ST8SIA2: variants seen among roughly 807,000 people sequenced by gnomAD.
ST8SIA2 encodes alpha-2,8-sialyltransferase 8B.
In ST8SIA2, 22 loss-of-function variants were observed where a neutral mutation model predicts 37.6. The ratio of observed to expected loss-of-function variants is 0.58; its 90% CI spans 0.42 to 0.83. ST8SIA2 has a LOEUF of 0.83. Among genes scored for constraint, ST8SIA2 ranks in the 40% least tolerant of loss-of-function variants. The probability of loss-of-function intolerance (pLI) is 0.00; values close to 1 mark genes in which losing one functional copy is unlikely to be tolerated. For missense variants in ST8SIA2, 382 were observed against 484.7 expected, an observed-to-expected ratio of 0.79 and a Z score of 1.99; for synonymous variants, 205 against 201.2, an observed-to-expected ratio of 1.02 and a Z score of -0.16.
chr15:92,413,876 C>CGGT (rs1216064298), intron 1 of ST8SIA2, among the ~76,000 whole-genome samples: 1 of 152,140 alleles, frequency 6.6e-6, no homozygotes, highest in Admixed American at 6.5e-5. Context: ...AGGCAGCCCC[C>CGGT]GGTGTGATGC....
chr15:92,424,020 A>G (rs897317718), intron 1 of ST8SIA2, among the ~76,000 whole-genome samples: 3 of 152,202 alleles, frequency 2.0e-5, no homozygotes, highest in Non-Finnish European at 2.9e-5. Context: ...TGGGCTGTCA[A>G]CAGGCATAAA....
At chr15:92,411,722 C>T (rs1423795775) in intron 1 of ST8SIA2, among the ~76,000 whole-genome samples, 1 of 152,108 alleles carries the variant, frequency 6.6e-6, no homozygotes, top group Non-Finnish European at 1.5e-5. Context: ...CCACAGTCAC[C>T]TCAATGGTGG....
intron 5 of ST8SIA2, among the ~76,000 whole-genome samples, chr15:92,448,035 C>T (rs1467241829): frequency 6.6e-6 from 1 of 152,160 alleles, no homozygotes; most frequent in African/African-American, 2.4e-5. Flanking sequence ...AATGGGCAAC[C>T]ACCTGGAAGA....
At chr15:92,458,837 G>A (rs1053148948) in intron 5 of ST8SIA2, among the ~76,000 whole-genome samples, 2 of 152,214 alleles carry the variant, frequency 1.3e-5, no homozygotes, top group Non-Finnish European at 2.9e-5. Context: ...TTTTCAGCCT[G>A]GGCTGCTAAG....
intron 3 of ST8SIA2, among the ~76,000 whole-genome samples, chr15:92,437,953 G>GC (rs2049770822): frequency 6.6e-6 from 1 of 152,328 alleles, no homozygotes. Context: ...GTCTGGGTGT[G>GC]CCCCAGACTG....
chr15:92,442,394 C>T (rs1288814137), intron 4 of ST8SIA2, among the ~76,000 whole-genome samples: 3 of 152,102 alleles, frequency 2.0e-5, no homozygotes, highest in Non-Finnish European at 4.4e-5. Flanking sequence ...GACTGGCCAA[C>T]ATTGCAGTTG....
intron 1 of ST8SIA2, among the ~76,000 whole-genome samples, chr15:92,419,475 C>A (rs985214046): frequency 6.6e-6 from 1 of 152,160 alleles, no homozygotes; most frequent in Non-Finnish European, 1.5e-5. Context: ...TACACCCTCC[C>A]ACAGCAACGC....
At chr15:92,450,946 G>A (rs2049877502) in intron 5 of ST8SIA2, among the ~76,000 whole-genome samples, 1 of 152,182 alleles carries the variant, frequency 6.6e-6, no homozygotes. Context: ...TTCACTTTTA[G>A]GGCAGTGACC....
chr15:92,415,707 A>G (rs1457716265), intron 1 of ST8SIA2, among the ~76,000 whole-genome samples: 1 of 152,180 alleles, frequency 6.6e-6, no homozygotes, highest in Non-Finnish European at 1.5e-5. Context: ...TGAGTTTTAA[A>G]CAGTAGCCTC....
At chr15:92,430,192 C>T (rs2049705368) in intron 2 of ST8SIA2, 81 bp downstream of exon 2, 1 of 1,362,192 alleles carries the variant, frequency 7.3e-7, no homozygotes, top group Non-Finnish European at 1.0e-6. Context: ...CTGGATGGTG[C>T]CCTTCTTACT....
At chr15:92,416,355 G>C (rs1031207173) in intron 1 of ST8SIA2, among the ~76,000 whole-genome samples, 1 of 151,920 alleles carries the variant, frequency 6.6e-6, no homozygotes, top group Non-Finnish European at 1.5e-5. Flanking sequence ...GTGGAGGTGG[G>C]TGGGAGGTGT....
At chr15:92,462,175 C>A (rs1030389414) in intron 5 of ST8SIA2, among the ~76,000 whole-genome samples, 1 of 152,192 alleles carries the variant, frequency 6.6e-6, no homozygotes, top group Non-Finnish European at 1.5e-5. Context: ...GGACCACAGC[C>A]TTCATCAGCA....
At chr15:92,436,337 T>C (rs567726215) in intron 3 of ST8SIA2, among the ~76,000 whole-genome samples, 1 of 151,980 alleles carries the variant, frequency 6.6e-6, no homozygotes, top group South Asian at 2.1e-4. Context: ...GATAGAGAAA[T>C]AGCTCCCCCA....
intron 5 of ST8SIA2, among the ~76,000 whole-genome samples, chr15:92,456,167 C>T (rs533986486): frequency 3.9e-5 from 6 of 152,366 alleles, no homozygotes; most frequent in South Asian, 2.1e-4. Context: ...CCACTCCTGG[C>T]GGGGCCCGCC....
chr15:92,434,166 G>C, intron 2 of ST8SIA2, 81 bp from the exon 3 acceptor site: 1 of 1,598,120 alleles, frequency 6.3e-7, no homozygotes, highest in Non-Finnish European at 8.5e-7. Context: ...ATTCAAGCCC[G>C]TGCAAAAACA....
chr15:92,410,473 C>A (rs2049540652), intron 1 of ST8SIA2, among the ~76,000 whole-genome samples: 1 of 152,210 alleles, frequency 6.6e-6, no homozygotes, highest in Non-Finnish European at 1.5e-5. Flanking sequence ...CACTGCTGCA[C>A]CCTTCAGTCC....
In ST8SIA2 at chr15:92,464,340, G is replaced by T; in HGVS notation, c.1083G>T (p.Gln361His). ...AGGCCCTCAAGAGCCTACATGAGCA[G>T]GGGGCTTTGAAACTGACTGTCGGCC... ...EFKALKSLHEQGALKLTVGQC... is the reference protein window; with the variant it reads ...EFKALKSLHEHGALKLTVGQC... Residue 361 changes from glutamine to histidine, a missense_variant, in exon 6 of 6, where the codon CAG (glutamine) becomes CAT (histidine). Gln to His is a conservative substitution (Grantham distance 24). Coordinates refer to ENST00000268164, the MANE Select transcript of ST8SIA2 (RefSeq NM_006011.4). The T allele has an allele frequency of 6.2e-7, 1 of 1,614,064 alleles. No homozygotes were observed. The highest frequency in any genetic ancestry group is 8.5e-7 in the Non-Finnish European group (1 of 1,180,020).
At chr15:92,435,345 A>G (rs1227008838) in intron 3 of ST8SIA2, among the ~76,000 whole-genome samples, 1 of 152,184 alleles carries the variant, frequency 6.6e-6, no homozygotes, top group Non-Finnish European at 1.5e-5. Context: ...AAGGATAATT[A>G]GGAGTTCACC....
At chr15:92,451,811 A>T (rs1344198354) in intron 5 of ST8SIA2, among the ~76,000 whole-genome samples, 1 of 152,122 alleles carries the variant, frequency 6.6e-6, no homozygotes, top group Non-Finnish European at 1.5e-5. Flanking sequence ...AGTAACTTGC[A>T]CAAGATCCCA....
Sources: gnomAD v4.1 joint callset for allele counts (sites outside exome capture counted in the v4.1 genomes callset) on GRCh38, gnomAD v4.1.1 for gene constraint, MANE v1.5 for transcripts, NCBI Gene and HGNC (gene_info 2026-07-23, HGNC 2026-07-21) for gene names.